DMD: variants seen among roughly 807,000 people sequenced by gnomAD.
DMD encodes the protein dystrophin, also known as mutant dystrophin.
Under a neutral mutation model 330.1 loss-of-function variants are expected in DMD, and 63 were observed. The observed-to-expected ratio is 0.19, with a 90% CI of 0.16 to 0.24. The LOEUF (loss-of-function observed/expected upper bound fraction) is 0.24, where lower values mean the gene tolerates loss of function less well. DMD is among the 10% of genes least tolerant of loss of function. The pLI is 1.00. For synonymous variants in DMD, 1,223 were observed against 959.8 expected (o/e 1.27, Z -5.07); for missense variants, 3,344 against 2,684.1 (o/e 1.25, Z -5.43).
At chrX:32,872,848 T>C (rs188039686) in intron 2 of DMD, among the ~76,000 whole-genome samples, 2 of 111,540 alleles carry the variant, frequency 1.8e-5, no homozygotes, top group East Asian at 5.7e-4. Flanking sequence ...TAGTTTGTGT[T>C]TTATAAAGAT....
At position 31,910,589 on chromosome X, in the gene DMD, A is replaced by G. The variant is rs143892349; in HGVS notation, c.6912+19007T>C. On this transcript the variant is annotated intron_variant, in intron 47 of 78. Transcript: ENST00000357033. ...ACAAACTAAATGCCTGACACATCTGAGGTAGAAACTAACGAACGTTGTAAG... is the reference window on the plus strand; with the variant it reads ...ACAAACTAAATGCCTGACACATCTGGGGTAGAAACTAACGAACGTTGTAAG... Among the ~76,000 whole-genome samples, 621 of 112,030 alleles carry G rather than the reference A, an allele frequency of 5.5e-3. 5 individuals carry two copies. Among genetic ancestry groups the G allele is most frequent in the African/African-American group, 0.019 (585 of 30,822 alleles).
intron 16 of DMD, among the ~76,000 whole-genome samples, chrX:32,546,588 C>A (rs1461631551): frequency 9.0e-6 from 1 of 111,446 alleles, no homozygotes; most frequent in Non-Finnish European, 1.9e-5. Context: ...GTAAAAATTG[C>A]TTTGACATAC....
chrX:32,009,549 G>T (rs756029497), intron 44 of DMD, among the ~76,000 whole-genome samples: 1 of 111,744 alleles, frequency 8.9e-6, no homozygotes, highest in Non-Finnish European at 1.9e-5. Context: ...AATGGACAGA[G>T]ATTACTATTT....
chrX:32,194,326 G>A lies in DMD; in HGVS notation c.6438+22590C>T, dbSNP rs756589481. ...AAATAGACAACATTTCCATTACCCCGAAAAAGTCACTAATGCCTCTGTCCA... is the reference window on the plus strand; with the variant it reads ...AAATAGACAACATTTCCATTACCCCAAAAAAGTCACTAATGCCTCTGTCCA... On this transcript the variant is annotated intron_variant, in intron 44 of 78. Coordinates refer to ENST00000357033, the MANE Select transcript of DMD (RefSeq NM_004006.3). 3.0e-4 allele frequency among the ~76,000 whole-genome samples: 33 copies of A among 111,788 alleles called. No individual in the cohort carries two copies. In the East Asian group the frequency reaches 8.2e-3, roughly 28 times the overall value.
At chrX:32,575,817 T>G (rs555959555) in intron 13 of DMD, among the ~76,000 whole-genome samples, 1 of 111,723 alleles carries the variant, frequency 9.0e-6, no homozygotes, top group Non-Finnish European at 1.9e-5. Context: ...TCAACTCCAG[T>G]GAAGAAGACA....
intron 1 of DMD, among the ~76,000 whole-genome samples, chrX:33,040,700 GA>G (rs1318947634): frequency 9.0e-6 from 1 of 110,635 alleles, no homozygotes; most frequent in Middle Eastern, 4.6e-3. Context: ...CAGTATGACA[GA>G]AAAAAAGCTA....
At chrX:31,380,688 A>G (rs1454390716) in intron 60 of DMD, among the ~76,000 whole-genome samples, 2 of 110,416 alleles carry the variant, frequency 1.8e-5, no homozygotes, top group African/African-American at 6.6e-5. Context: ...GTGGTGCCAA[A>G]CCCATATACT....
chrX:32,521,121 T>A (rs1439873277), intron 17 of DMD, among the ~76,000 whole-genome samples: 5 of 112,010 alleles, frequency 4.5e-5, no homozygotes, highest in African/African-American at 1.6e-4. Flanking sequence ...TACCTACATT[T>A]TGAACTTTAT....
intron 7 of DMD, among the ~76,000 whole-genome samples, chrX:32,776,597 A>G (rs1435960399): frequency 9.0e-6 from 1 of 110,764 alleles, no homozygotes; most frequent in Non-Finnish European, 1.9e-5. Flanking sequence ...AAACCATCAG[A>G]TCACATGAGC....
At chrX:33,316,248 C>T (rs1381712484) in intron 1 of DMD, among the ~76,000 whole-genome samples, 4 of 110,596 alleles carry the variant, frequency 3.6e-5, no homozygotes, top group Non-Finnish European at 7.6e-5. Flanking sequence ...GAAAACCAAA[C>T]TCCAACAATT....
Position 32,421,902 on chromosome X carries a change from C to T in DMD, c.4072-9989G>A, listed in dbSNP as rs191807432. 2.6e-3 allele frequency among the ~76,000 whole-genome samples: 288 copies of T among 111,709 alleles called. 3 individuals are homozygous for T. The highest frequency in any genetic ancestry group is 8.1e-3 in the African/African-American group (249 of 30,798). Reference sequence around the variant, plus strand: ...TCTTCCCCACAGGAAGTATCTGTTCCGTCAACATTGTGGTTCGGGTGAGGG... The same window carrying T: ...TCTTCCCCACAGGAAGTATCTGTTCTGTCAACATTGTGGTTCGGGTGAGGG... On this transcript the variant is annotated intron_variant, in intron 29 of 78. Coordinates refer to ENST00000357033, the MANE Select transcript of DMD (RefSeq NM_004006.3).
Position 32,516,886 on chromosome X carries a change from T to A in DMD, c.2292+1122A>T, listed in dbSNP as rs753123936. The A allele has an allele frequency of 1.1e-4, 12 of 112,240 alleles. No individual in the cohort carries two copies. In the South Asian group the frequency reaches 3.6e-3, roughly 34 times the overall value. 9.2% of individuals were successfully genotyped at this position (112,240 alleles called of 1,213,427 possible). On this transcript the variant is annotated intron_variant, in intron 18 of 78. Transcript: ENST00000357033. ...AATTTAGAATAGTCTATTATAATGC[T>A]GACAACAGCATGTCTTATAAAGCTA...
At chrX:32,859,390 C>T (rs1342199945) in intron 2 of DMD, among the ~76,000 whole-genome samples, 1 of 106,392 alleles carries the variant, frequency 9.4e-6, no homozygotes, top group African/African-American at 3.4e-5. Flanking sequence ...ATCGCTAGAA[C>T]TAGGAAGGTG....
intron 7 of DMD, among the ~76,000 whole-genome samples, chrX:32,786,532 CA>C (rs1158350186): frequency 9.0e-6 from 1 of 111,520 alleles, no homozygotes; most frequent in Non-Finnish European, 1.9e-5. Flanking sequence ...ATGATTCTCT[CA>C]AGGAAACATC....
At chrX:31,529,737 C>T (rs1210493191) in intron 55 of DMD, among the ~76,000 whole-genome samples, 2 of 111,759 alleles carry the variant, frequency 1.8e-5, no homozygotes, top group Non-Finnish European at 3.8e-5. Context: ...GAGTAAACAC[C>T]TTCGGTTCTG....
chrX:31,978,370 T>C (rs777704166), intron 44 of DMD, among the ~76,000 whole-genome samples: 1 of 111,282 alleles, frequency 9.0e-6, no homozygotes, highest in Non-Finnish European at 1.9e-5. Context: ...ATTCCATCGT[T>C]ATTGCTTTTC....
At chrX:31,485,474 G>C (rs757039595) in intron 57 of DMD, among the ~76,000 whole-genome samples, 13 of 112,065 alleles carry the variant, frequency 1.2e-4, no homozygotes, top group African/African-American at 4.2e-4. Flanking sequence ...GGGATTACAA[G>C]TGTGAGCCAC....
chrX:31,149,035 CTTT>C (rs1260929193), intron 74 of DMD, among the ~76,000 whole-genome samples: 1 of 112,049 alleles, frequency 8.9e-6, no homozygotes, highest in Non-Finnish European at 1.9e-5. Context: ...ATGTTCTCTG[CTTT>C]TTATGTTTTG....
At chrX:31,977,855 T>C (rs764622781) in intron 44 of DMD, among the ~76,000 whole-genome samples, 1 of 107,752 alleles carries the variant, frequency 9.3e-6, no homozygotes, top group Non-Finnish European at 1.9e-5. Flanking sequence ...TTGTACAATA[T>C]CAATGATCTG....
Sources: gnomAD v4.1 joint callset for allele counts (sites outside exome capture counted in the v4.1 genomes callset) on GRCh38, gnomAD v4.1.1 for gene constraint, MANE v1.5 for transcripts, NCBI Gene and HGNC (gene_info 2026-07-23, HGNC 2026-07-21) for gene names.